FHIT: variants seen among roughly 807,000 people sequenced by gnomAD.
The protein encoded by FHIT is bis(5'-adenosyl)-triphosphatase.
In FHIT, 19 loss-of-function variants were observed where a neutral mutation model predicts 17.9. The observed-to-expected ratio is 1.06, with a 90% CI of 0.74 to 1.56. The LOEUF (loss-of-function observed/expected upper bound fraction) is 1.56. Ranked by LOEUF, FHIT falls within the 40% of genes most tolerant of loss-of-function variation. FHIT has a pLI of 0.00. For missense variants in FHIT, 248 were observed against 189.2 expected (o/e 1.31, Z -1.82); for synonymous variants, 81 against 69.7 (o/e 1.16, Z -0.81).
intron 5 of FHIT, among the ~76,000 whole-genome samples, chr3:60,446,586 G>A (rs2031348779): frequency 1.3e-5 from 2 of 152,008 alleles, no homozygotes; most frequent in South Asian, 4.2e-4. Flanking sequence ...CACACACAGT[G>A]GCTCACACCT....
chr3:60,708,733 T>C (rs546168214), intron 4 of FHIT, among the ~76,000 whole-genome samples: 7 of 152,182 alleles, frequency 4.6e-5, no homozygotes, highest in Non-Finnish European at 7.4e-5. Context: ...TTTAAAATGT[T>C]AAGACTCATT....
intron 5 of FHIT, among the ~76,000 whole-genome samples, chr3:60,214,999 G>A (rs1033541022): frequency 6.6e-6 from 1 of 151,954 alleles, no homozygotes; most frequent in African/African-American, 2.4e-5. Context: ...GGGAACAAGA[G>A]ACACTGAGGA....
At chr3:60,760,959 C>T (rs1699628518) in intron 4 of FHIT, among the ~76,000 whole-genome samples, 1 of 152,106 alleles carries the variant, frequency 6.6e-6, no homozygotes, top group Non-Finnish European at 1.5e-5. Flanking sequence ...TAGACTCTTT[C>T]TCATTTAGCC....
At chr3:60,495,090 C>G (rs748201502) in intron 5 of FHIT, among the ~76,000 whole-genome samples, 1 of 152,188 alleles carries the variant, frequency 6.6e-6, no homozygotes. Flanking sequence ...TTCCCACCAA[C>G]AGGGTACAAG....
At chr3:60,669,894 T>C (rs1400791910) in intron 4 of FHIT, among the ~76,000 whole-genome samples, 5 of 152,212 alleles carry the variant, frequency 3.3e-5, no homozygotes, top group Non-Finnish European at 7.3e-5. Context: ...AAACAATGGA[T>C]GCCTGACCTC....
At chr3:61,055,110 T>C (rs2106670492) in intron 2 of FHIT, among the ~76,000 whole-genome samples, 1 of 144,264 alleles carries the variant, frequency 6.9e-6, no homozygotes, top group East Asian at 1.9e-4. Flanking sequence ...GTTTGTTTGT[T>C]TTTCAGGAAA....
At chr3:60,230,076 C>A (rs897982930) in intron 5 of FHIT, among the ~76,000 whole-genome samples, 1 of 152,058 alleles carries the variant, frequency 6.6e-6, no homozygotes, top group Non-Finnish European at 1.5e-5. Context: ...TGTTCAATAC[C>A]GTGGCCACTA....
chr3:61,178,824 G>C (rs1176167031), intron 2 of FHIT, among the ~76,000 whole-genome samples: 1 of 151,876 alleles, frequency 6.6e-6, no homozygotes, highest in East Asian at 1.9e-4. Context: ...CAAACAAATG[G>C]TGTGGCTGAC....
chr3:59,797,945 C>T (rs1699844864), intron 8 of FHIT, among the ~76,000 whole-genome samples: 1 of 152,176 alleles, frequency 6.6e-6, no homozygotes, highest in South Asian at 2.1e-4. Context: ...TTATCAGCCT[C>T]ATTCCTGTGA....
intron 2 of FHIT, among the ~76,000 whole-genome samples, chr3:61,111,790 C>T (rs1014256080): frequency 2.6e-5 from 4 of 152,194 alleles, no homozygotes; most frequent in African/African-American, 9.7e-5. Flanking sequence ...TAAGCAGATA[C>T]ATATGTACGT....
At position 59,986,739 on chromosome 3, in the gene FHIT, C is replaced by T. The variant is rs549704131; in HGVS notation, c.279+24632G>A. Among the ~76,000 whole-genome samples, 14 of 8,114 alleles carry T rather than the reference C, an allele frequency of 1.7e-3. 1 individual carries two copies. Among genetic ancestry groups the T allele is most frequent in the African/African-American group, 2.4e-3 (3 of 1,274 alleles). 5.3% of individuals were successfully genotyped at this position (8,114 alleles called of 152,430 possible). A position where few individuals can be genotyped will look rare whatever the true frequency, so the allele number is the denominator to read the frequency against. On this transcript the variant is annotated intron_variant, in intron 7 of 9. Coordinates refer to ENST00000492590, the MANE Select transcript of FHIT (RefSeq NM_002012.4). ...ATACATATATTTATATAAATATATA[C>T]ATATATTTATATATATATAAATATA...
At chr3:60,138,727 T>C (rs1699916943) in intron 5 of FHIT, among the ~76,000 whole-genome samples, 1 of 152,002 alleles carries the variant, frequency 6.6e-6, no homozygotes, top group African/African-American at 2.4e-5. Context: ...TGCTTCAAAG[T>C]CACTGAAAGA....
intron 1 of FHIT, among the ~76,000 whole-genome samples, chr3:61,227,056 G>T (rs2039988899): frequency 6.6e-6 from 1 of 152,202 alleles, no homozygotes; most frequent in Non-Finnish European, 1.5e-5. Context: ...GTCAGTAAAG[G>T]TTTCTCTGAG....
chr3:60,225,352 C>A (rs1245331743), intron 5 of FHIT, among the ~76,000 whole-genome samples: 1 of 152,104 alleles, frequency 6.6e-6, no homozygotes, highest in African/African-American at 2.4e-5. Flanking sequence ...GCCAATGGAA[C>A]AGAAAATTTG....
chr3:60,525,496 CAACTT>C (rs1271703458), intron 5 of FHIT, among the ~76,000 whole-genome samples: 1 of 152,060 alleles, frequency 6.6e-6, no homozygotes, highest in Non-Finnish European at 1.5e-5. Context: ...TGAAGAATCT[CAACTT>C]AGTGGGAGAA....
At chr3:60,591,935 A>G (rs986940843) in intron 4 of FHIT, among the ~76,000 whole-genome samples, 8 of 152,108 alleles carry the variant, frequency 5.3e-5, no homozygotes, top group Middle Eastern at 3.4e-3. Context: ...AAATGAATTA[A>G]CAGGGATTAA....
chr3:61,031,829 A>T (rs931393879), intron 3 of FHIT, among the ~76,000 whole-genome samples: 4 of 149,766 alleles, frequency 2.7e-5, no homozygotes, highest in African/African-American at 1.0e-4. Context: ...ATCGCCTGAG[A>T]TTTATTCCCT....
intron 1 of FHIT, among the ~76,000 whole-genome samples, chr3:61,224,533 C>G (rs2039919033): frequency 6.6e-6 from 1 of 152,162 alleles, no homozygotes; most frequent in Admixed American, 6.5e-5. Flanking sequence ...CCTCAGCCTC[C>G]CAAGTAGCTG....
At chr3:61,015,132 G>T (rs925152337) in intron 3 of FHIT, among the ~76,000 whole-genome samples, 1 of 151,964 alleles carries the variant, frequency 6.6e-6, no homozygotes, top group Non-Finnish European at 1.5e-5. Flanking sequence ...AATAGACAAA[G>T]TATGTCAGAC....
Sources: allele counts gnomAD v4.1 joint callset (sites outside exome capture counted in the v4.1 genomes callset), GRCh38; gene constraint gnomAD v4.1.1; transcripts MANE v1.5; gene names NCBI Gene and HGNC (gene_info 2026-07-23, HGNC 2026-07-21).